The following NLGN1 variants were observed in gnomAD, a reference collection of about 807,000 sequenced individuals.
The protein encoded by NLGN1 is neuroligin 1.
Under a neutral mutation model 65.5 loss-of-function variants are expected in NLGN1, and 12 were observed. That is an observed-to-expected ratio of 0.18 (90% CI 0.12 to 0.30). The LOEUF (loss-of-function observed/expected upper bound fraction) is 0.30. Among genes scored for constraint, NLGN1 ranks in the 10% least tolerant of loss-of-function variants. NLGN1 has a pLI of 1.00. For synonymous variants in NLGN1, 350 were observed against 359.5 expected (o/e 0.97, Z 0.30); for missense variants, 750 against 1,007.1 (o/e 0.74, Z 3.46).
At chr3:173,461,705 T>G (rs1188853005) in intron 2 of NLGN1, among the ~76,000 whole-genome samples, 1 of 152,178 alleles carries the variant, frequency 6.6e-6, no homozygotes, top group Non-Finnish European at 1.5e-5. Context: ...CAAAAGAAAC[T>G]AGAAAGATTA....
chr3:174,243,305 C>T (rs1455067086), intron 4 of NLGN1, among the ~76,000 whole-genome samples: 1 of 152,156 alleles, frequency 6.6e-6, no homozygotes, highest in East Asian at 1.9e-4. Flanking sequence ...AGATCCAGGG[C>T]TCACAAAATG....
intron 4 of NLGN1, among the ~76,000 whole-genome samples, chr3:174,007,191 G>A (rs920338291): frequency 3.9e-5 from 6 of 152,130 alleles, no homozygotes; most frequent in African/African-American, 1.4e-4. Context: ...AAGAAGAGAG[G>A]CCTCAAGAGA....
At chr3:173,588,887 G>A (rs1356015018) in intron 2 of NLGN1, among the ~76,000 whole-genome samples, 1 of 151,986 alleles carries the variant, frequency 6.6e-6, no homozygotes, top group African/African-American at 2.4e-5. Context: ...ATATATGAAT[G>A]TGTAGTCAAA....
At chr3:173,740,635 G>C (rs1412015709) in intron 3 of NLGN1, among the ~76,000 whole-genome samples, 3 of 152,016 alleles carry the variant, frequency 2.0e-5, no homozygotes, top group Admixed American at 6.6e-5. Flanking sequence ...AAATTACAGC[G>C]AGGTTTAGAA....
chr3:174,203,124 G>C (rs974989321), intron 4 of NLGN1, among the ~76,000 whole-genome samples: 3 of 152,114 alleles, frequency 2.0e-5, no homozygotes, highest in Non-Finnish European at 4.4e-5. Flanking sequence ...CTCCTCCTAT[G>C]ATTATGAGAG....
intron 2 of NLGN1, among the ~76,000 whole-genome samples, chr3:173,579,155 G>A (rs1315370653): frequency 2.0e-5 from 3 of 152,226 alleles, no homozygotes; most frequent in East Asian, 1.9e-4. Flanking sequence ...TGATGAAAAA[G>A]CCCCATTTCA....
chr3:173,875,940 T>C lies in NLGN1; in HGVS notation c.646+68108T>C, dbSNP rs889800786. ...GAGATGCTTACAAAGAGTTTAGTGC[T>C]GGTCAGGCTGGGGTAGATAAGAGTT... On this transcript the variant is annotated intron_variant, in intron 4 of 6. Transcript: ENST00000457714. Among the ~76,000 whole-genome samples the C allele has an allele frequency of 1.3e-4, 20 of 152,248 alleles. No homozygotes were observed. In the South Asian group the frequency reaches 2.9e-3, roughly 22 times the overall value.
chr3:174,173,026 G>C (rs1485929838), intron 4 of NLGN1, among the ~76,000 whole-genome samples: 1 of 151,508 alleles, frequency 6.6e-6, no homozygotes, highest in Non-Finnish European at 1.5e-5. Flanking sequence ...TTATTGTAGA[G>C]ATCTATCACT....
intron 4 of NLGN1, among the ~76,000 whole-genome samples, chr3:174,245,054 G>A (rs1370914356): frequency 3.3e-5 from 5 of 152,056 alleles, no homozygotes; most frequent in African/African-American, 1.2e-4. Context: ...GTGTGACTAG[G>A]TGTTTTATAA....
rs146462574 is a variant in NLGN1 at position 173,564,015 on chromosome 3, G to A, written c.-320-40264G>A. Reference sequence around the variant, plus strand: ...ATCCCTACAAAGGCAAACAAGGCCTGACCTGATCTGGCCCTTACTACCTGT... The same window carrying A: ...ATCCCTACAAAGGCAAACAAGGCCTAACCTGATCTGGCCCTTACTACCTGT... On this transcript the variant is annotated intron_variant, in intron 2 of 6. Coordinates refer to ENST00000457714, the Ensembl canonical transcript of NLGN1. 3.8e-3 allele frequency among the ~76,000 whole-genome samples: 579 copies of A among 152,340 alleles called. 1 individual carries two copies. The highest frequency in any genetic ancestry group is 0.014 in the African/African-American group (565 of 41,594).
chr3:173,869,508 C>T (rs1189362804), intron 4 of NLGN1, among the ~76,000 whole-genome samples: 3 of 152,090 alleles, frequency 2.0e-5, no homozygotes, highest in Non-Finnish European at 4.4e-5. Context: ...TTAAGAAAAA[C>T]TGAAGATCTC....
At chr3:173,451,762 G>T (rs1721580955) in intron 2 of NLGN1, among the ~76,000 whole-genome samples, 1 of 152,186 alleles carries the variant, frequency 6.6e-6, no homozygotes. Context: ...GGTAATGGCG[G>T]GTGCCCCTCC....
At chr3:173,640,534 G>A (rs535359720) in intron 3 of NLGN1, among the ~76,000 whole-genome samples, 21 of 152,002 alleles carry the variant, frequency 1.4e-4, no homozygotes, top group South Asian at 2.1e-4. Context: ...GACTTTCACC[G>A]TAAGGCTATT....
At chr3:173,469,681 C>T (rs180852550) in intron 2 of NLGN1, among the ~76,000 whole-genome samples, 110 of 151,840 alleles carry the variant, frequency 7.2e-4, no homozygotes, top group African/African-American at 2.6e-3. Context: ...GTAACCACCA[C>T]GTCTGTGTAG....
At chr3:174,001,241 T>C (rs1723231532) in intron 4 of NLGN1, among the ~76,000 whole-genome samples, 2 of 151,894 alleles carry the variant, frequency 1.3e-5, no homozygotes, top group Non-Finnish European at 2.9e-5. Flanking sequence ...ACCAGAAAAG[T>C]GTTGGGCTTG....
chr3:173,803,470 T>C (rs1475416773), intron 3 of NLGN1, among the ~76,000 whole-genome samples: 1 of 151,968 alleles, frequency 6.6e-6, no homozygotes, highest in Admixed American at 6.6e-5. Context: ...GAGCCCAGCA[T>C]GGTGGCGAGC....
At chr3:173,832,026 T>C (rs1300483653) in intron 4 of NLGN1, among the ~76,000 whole-genome samples, 2 of 152,002 alleles carry the variant, frequency 1.3e-5, no homozygotes, top group Non-Finnish European at 2.9e-5. Context: ...GGTGCAATTA[T>C]GGCTTACTGC....
intron 1 of NLGN1, among the ~76,000 whole-genome samples, chr3:173,406,778 T>G (rs1560208474): frequency 6.6e-6 from 1 of 151,940 alleles, no homozygotes; most frequent in Non-Finnish European, 1.5e-5. Flanking sequence ...TTTTGATGAA[T>G]AACAAGTTCT....
At chr3:174,097,354 C>G (rs1745728510) in intron 4 of NLGN1, among the ~76,000 whole-genome samples, 1 of 152,136 alleles carries the variant, frequency 6.6e-6, no homozygotes, top group Admixed American at 6.6e-5. Flanking sequence ...TTTGGACTGT[C>G]TACACACCAA....
Sources: gnomAD v4.1 joint callset for allele counts (sites outside exome capture counted in the v4.1 genomes callset) on GRCh38, gnomAD v4.1.1 for gene constraint, MANE v1.5 for transcripts, NCBI Gene and HGNC (gene_info 2026-07-23, HGNC 2026-07-21) for gene names.